MAST4: variants seen among roughly 807,000 people sequenced by gnomAD.
MAST4 encodes microtubule-associated serine/threonine-protein kinase 4.
MAST4 carries 89 observed loss-of-function variants against 162.7 expected under a neutral mutation model. That is an observed-to-expected ratio of 0.55 (90% CI 0.46 to 0.65). The LOEUF (loss-of-function observed/expected upper bound fraction) is 0.65. MAST4 is among the 30% of genes least tolerant of loss of function. The probability of loss-of-function intolerance (pLI) is 0.00; values close to 1 mark genes in which losing one functional copy is unlikely to be tolerated. For synonymous variants in MAST4, 1,479 were observed against 1,361.1 expected (o/e 1.09, Z -1.91); for missense variants, 3,153 against 3,374.0 (o/e 0.93, Z 1.62).
chr5:66,934,431 A>AT, intron 4 of MAST4, among the ~76,000 whole-genome samples: 1 of 152,192 alleles, frequency 6.6e-6, no homozygotes, highest in East Asian at 1.9e-4. Context: ...AGCCAGCTTG[A>AT]TTATTAGCAC....
intron 15 of MAST4, 144 bp downstream of exon 15, chr5:67,130,562 A>G (rs1007813941): frequency 1.1e-5 from 8 of 747,054 alleles, no homozygotes; most frequent in African/African-American, 1.8e-5. Context: ...ATTCCCAGTC[A>G]TTATCTTCTG....
chr5:66,878,655 T>C (rs1761466667), intron 3 of MAST4, among the ~76,000 whole-genome samples: 2 of 152,340 alleles, frequency 1.3e-5, no homozygotes, highest in African/African-American at 4.8e-5. Flanking sequence ...CCACTATACC[T>C]TCTTTTTTTC....
chr5:66,808,431 T>C (rs1375347273), intron 3 of MAST4, among the ~76,000 whole-genome samples: 1 of 152,112 alleles, frequency 6.6e-6, no homozygotes, highest in South Asian at 2.1e-4. Flanking sequence ...TAAATTAGGT[T>C]TTTTTTTGGT....
At chr5:66,729,202 T>A (rs1379502787) in intron 1 of MAST4, among the ~76,000 whole-genome samples, 1 of 152,232 alleles carries the variant, frequency 6.6e-6, no homozygotes, top group Non-Finnish European at 1.5e-5. Context: ...TATTTAGGTA[T>A]GAATTTTGTA....
At position 66,596,886 on chromosome 5, in the gene MAST4, G is replaced by T; in HGVS notation, c.231G>T (p.Ala77=). 1.7e-6 allele frequency: 2 copies of T among 1,162,100 alleles called. No individual in the cohort carries two copies. Among genetic ancestry groups the T allele is most frequent in the Non-Finnish European group, 2.1e-6 (2 of 936,632 alleles). 72.0% of individuals were successfully genotyped at this position (1,162,100 alleles called of 1,614,324 possible). Residue 77 remains alanine (A), a synonymous_variant, in exon 1 of 29, where the codon GCG becomes GCT. Coordinates refer to ENST00000403625, the MANE Select transcript of MAST4 (RefSeq NM_001164664.2). ...PPLGGTLGAR[A]PAAWAPASVL... ...TGGGAGGCACCCTGGGCGCCCGGGCGCCCGCCGCGTGGGCTCCGGCAAGCG... is the reference window on the plus strand; with the variant it reads ...TGGGAGGCACCCTGGGCGCCCGGGCTCCCGCCGCGTGGGCTCCGGCAAGCG...
intron 3 of MAST4, among the ~76,000 whole-genome samples, chr5:66,815,681 A>G (rs1756683842): frequency 2.6e-5 from 4 of 152,218 alleles, no homozygotes; most frequent in Admixed American, 2.6e-4. Flanking sequence ...AGAAACTGGT[A>G]TTATTTATGA....
chr5:66,785,428 T>C (rs1251949658), intron 2 of MAST4, among the ~76,000 whole-genome samples: 1 of 152,174 alleles, frequency 6.6e-6, no homozygotes, highest in South Asian at 2.1e-4. Context: ...TAAACATATG[T>C]GATGAATATT....
In MAST4 at chr5:67,153,589, T is replaced by C. The variant is rs981115798; in HGVS notation, c.3648+9T>C. On this transcript the variant is annotated intron_variant, in intron 26 of 28. Coordinates refer to ENST00000403625, the MANE Select transcript of MAST4 (RefSeq NM_001164664.2). Reference sequence around the variant, plus strand: ...TAGAACTCCTACTGAAGGTATTGTATGTTTTATGTCAGGGCCATGCTGATG... The same window carrying C: ...TAGAACTCCTACTGAAGGTATTGTACGTTTTATGTCAGGGCCATGCTGATG... 1.3e-6 allele frequency: 2 copies of C among 1,568,634 alleles called. No homozygotes were observed.
intron 19 of MAST4, among the ~76,000 whole-genome samples, chr5:67,138,175 C>T (rs897371253): frequency 3.3e-5 from 5 of 152,240 alleles, no homozygotes; most frequent in Non-Finnish European, 7.4e-5. Context: ...AGGAGCTTTC[C>T]GAAGTGCTAC....
intron 1 of MAST4, among the ~76,000 whole-genome samples, chr5:66,693,056 A>G (rs1749153040): frequency 6.6e-6 from 1 of 151,720 alleles, no homozygotes; most frequent in African/African-American, 2.4e-5. Context: ...ACAATAGTAC[A>G]AAGGTTACAA....
At chr5:66,930,011 C>G (rs1161717912) in intron 4 of MAST4, among the ~76,000 whole-genome samples, 1 of 152,160 alleles carries the variant, frequency 6.6e-6, no homozygotes, top group Non-Finnish European at 1.5e-5. Flanking sequence ...CCATAGGAAC[C>G]CCAATCACTA....
At chr5:66,871,746 A>T (rs1308590742) in intron 3 of MAST4, among the ~76,000 whole-genome samples, 1 of 152,156 alleles carries the variant, frequency 6.6e-6, no homozygotes, top group Non-Finnish European at 1.5e-5. Context: ...AACTTTCGAG[A>T]GGCAGGATTC....
chr5:66,892,611 C>T (rs1205882390), intron 3 of MAST4, among the ~76,000 whole-genome samples: 1 of 152,174 alleles, frequency 6.6e-6, no homozygotes, highest in Non-Finnish European at 1.5e-5. Flanking sequence ...TGCCTGTTTT[C>T]ACCTGTTCCT....
chr5:67,003,508 G>A (rs1751526323), intron 4 of MAST4, among the ~76,000 whole-genome samples: 1 of 152,092 alleles, frequency 6.6e-6, no homozygotes, highest in Non-Finnish European at 1.5e-5. Flanking sequence ...ATTTTTGTAA[G>A]CGAGTTTGTT....
chr5:66,919,968 CCT>C (rs1764419230), intron 4 of MAST4, among the ~76,000 whole-genome samples: 1 of 105,628 alleles, frequency 9.5e-6, no homozygotes, highest in Non-Finnish European at 1.8e-5. Context: ...TTCCTTCCTT[CCT>C]TCCTTCTTTC....
At chr5:66,726,905 G>A (rs1002652914) in intron 1 of MAST4, among the ~76,000 whole-genome samples, 7 of 152,128 alleles carry the variant, frequency 4.6e-5, no homozygotes, top group African/African-American at 1.7e-4. Context: ...TGCCAAAAAG[G>A]TTGGGGACTG....
At chr5:66,965,512 G>A (rs1288718166) in intron 4 of MAST4, among the ~76,000 whole-genome samples, 1 of 138,570 alleles carries the variant, frequency 7.2e-6, no homozygotes, top group Admixed American at 8.3e-5. Context: ...TGGGGAAAAA[G>A]TTTTAGGGAA....
Position 66,682,288 on chromosome 5 carries a change from C to T in MAST4, c.364-77421C>T, listed in dbSNP as rs530348234. Reference sequence around the variant, plus strand: ...ACTGCAGAGGCACTGAGGTTAATATCATCAGCATTTTCATGAATACAAATT... The same window carrying T: ...ACTGCAGAGGCACTGAGGTTAATATTATCAGCATTTTCATGAATACAAATT... On this transcript the variant is annotated intron_variant, in intron 1 of 28. Coordinates refer to ENST00000403625, the MANE Select transcript of MAST4 (RefSeq NM_001164664.2). Among the ~76,000 whole-genome samples the T allele has an allele frequency of 2.6e-5, 4 of 152,286 alleles. No homozygotes were observed. In the South Asian group the frequency reaches 8.3e-4, roughly 32 times the overall value.
intron 3 of MAST4, among the ~76,000 whole-genome samples, chr5:66,809,229 T>A (rs1482690287): frequency 2.6e-5 from 4 of 152,274 alleles, no homozygotes; most frequent in Non-Finnish European, 5.9e-5. Flanking sequence ...TGAATTCATC[T>A]GGGAGAAAAC....
Sources: allele counts gnomAD v4.1 joint callset (sites outside exome capture counted in the v4.1 genomes callset), GRCh38; gene constraint gnomAD v4.1.1; transcripts MANE v1.5; gene names NCBI Gene and HGNC (gene_info 2026-07-23, HGNC 2026-07-21).